Variants in CACNA1F observed in about 807,000 individuals in gnomAD.
CACNA1F encodes the protein calcium voltage-gated channel subunit alpha1 F, also known as voltage-dependent L-type calcium channel subunit alpha-1F.
A neutral mutation model predicts 143.8 loss-of-function variants in CACNA1F; 59 were observed. The ratio of observed to expected loss-of-function variants is 0.41; its 90% confidence interval spans 0.33 to 0.51. The LOEUF is 0.51. CACNA1F is among the 20% of genes least tolerant of loss of function. The pLI, the probability that CACNA1F is intolerant of heterozygous loss-of-function variation, is 0.22. For synonymous variants in CACNA1F, 643 were observed against 649.1 expected, an observed-to-expected ratio of 0.99 and a Z score of 0.14; for missense variants, 1,411 against 1,647.5, an observed-to-expected ratio of 0.86 and a Z score of 2.48.
Position 49,225,889 on chromosome X carries a change from C to T in CACNA1F, c.1651+20G>A. The T allele has an allele frequency of 5.2e-6, 6 of 1,164,040 alleles. No individual in the cohort carries two copies. The highest frequency in any genetic ancestry group is 6.9e-6 in the Non-Finnish European group (6 of 870,111). ...AGGAATAGGAGGCTGGGGGAGACGA[C>T]TAGCAGGCTGGGGGTGTACCCTGGA... is the stretch of plus-strand genomic sequence containing the variant. On this transcript the variant is annotated intron_variant, in intron 13 of 47. Coordinates refer to ENST00000323022, the MANE Select transcript of CACNA1F (RefSeq NM_001256789.3).
At position 49,215,204 on chromosome X, in the gene CACNA1F, C is replaced by T. The variant is rs782612914; in HGVS notation, c.3479G>A (p.Arg1160His). The T allele has an allele frequency of 1.2e-5, 14 of 1,208,562 alleles. No individual in the cohort carries two copies. The highest frequency in any genetic ancestry group is 2.2e-5 in the Admixed American group (1 of 45,606). Residue 1160 changes from arginine to histidine, a missense_variant, in exon 29 of 48, where the codon CGC (arginine) becomes CAC (histidine). Physicochemically the swap from Arg to His is conservative, Grantham distance 29. This residue lies in a region of CACNA1F where 950 missense variants were observed against 1,128.1 expected (regional missense o/e 0.84). Transcript: ENST00000323022. ...ATGCGGGTTCTTGGGGATGTAACGGCGGAGTGGCTGGGCCTTGAGGGCATA... is the reference window on the plus strand; with the variant it reads ...ATGCGGGTTCTTGGGGATGTAACGGTGGAGTGGCTGGGCCTTGAGGGCATA... ...VEYALKAQPL[R>H]RYIPKNPHQY... is the part of the protein sequence containing the mutation.
intron 33 of CACNA1F, 37 bp downstream of exon 33, chrX:49,212,630 G>A (rs782228664): frequency 8.4e-7 from 1 of 1,196,818 alleles, no homozygotes; most frequent in South Asian, 1.8e-5. Context: ...GTGAAATGGG[G>A]GCGAGGTATG....
At chrX:49,206,437 T>G in intron 46 of CACNA1F, 74 bp downstream of exon 46, 2 of 507,147 alleles carry the variant, frequency 3.9e-6, no homozygotes, top group Non-Finnish European at 6.9e-6. Flanking sequence ...ATATGTGCTG[T>G]GTTTGAGAAA....
intron 31 of CACNA1F, 37 bp from the exon 32 acceptor site, chrX:49,213,031 G>A (rs1382201119): frequency 2.6e-5 from 30 of 1,157,713 alleles, no homozygotes; most frequent in Non-Finnish European, 3.5e-5. Flanking sequence ...GGTGATACAG[G>A]AGATGATGAC....
In CACNA1F at chrX:49,205,365, C is replaced by T. The variant is rs1557104586; in HGVS notation, c.5673G>A (p.Val1891=). The change falls in exon 48 of 48, where the codon GTG becomes GTA. Residue 1891 remains valine, a splice_region_variant and synonymous_variant. Coordinates refer to ENST00000323022, the MANE Select transcript of CACNA1F (RefSeq NM_001256789.3). ...AGAGGCCCAGACCCTCTGAGATAAGCACCTGGGGGCACAGGTGGGATCAGT... is the reference window on the plus strand; with the variant it reads ...AGAGGCCCAGACCCTCTGAGATAAGTACCTGGGGGCACAGGTGGGATCAGT... ...RGSADSLVEA[V]LISEGLGLFA... 8.6e-7 allele frequency: 1 copy of T among 1,167,216 alleles called. No homozygotes were observed. Among genetic ancestry groups the T allele is most frequent in the South Asian group, 1.8e-5 (1 of 54,598 alleles).
intron 43 of CACNA1F, 103 bp downstream of exon 43, chrX:49,208,412 C>CCCCCCCCCCCCCCCCCCCCCCCT: frequency 4.0e-6 from 1 of 247,809 alleles, no homozygotes; most frequent in Non-Finnish European, 7.6e-6. Flanking sequence ...GGCCTCTAGG[C>CCCCCCCCCCCCCCCCCCCCCCCT]CCTCCCTCCC....
At chrX:49,221,167 C>T in intron 17 of CACNA1F, 87 bp from the exon 18 acceptor site, 1 of 800,543 alleles carries the variant, frequency 1.2e-6, no homozygotes, top group Middle Eastern at 3.0e-4. Context: ...TCCCATAGAA[C>T]TTTCTTGCTT....
At position 49,231,698 on chromosome X, in the gene CACNA1F, G is replaced by A; in HGVS notation, c.255C>T (p.Cys85=). The stretch of plus-strand genomic sequence containing the variant: ...GATGCTTCCACTCCACGATGCTGAT[G>A]CAGGACCGTCGCAGAGGATTGGCCA... ...LTLANPLRRS[C]ISIVEWKPFD... is the part of the protein sequence containing the mutation. The change falls in exon 2 of 48, where the codon TGC becomes TGT. Residue 85 remains cysteine (C), a synonymous_variant. Coordinates refer to ENST00000323022, the MANE Select transcript of CACNA1F (RefSeq NM_001256789.3). 8.3e-7 allele frequency: 1 copy of A among 1,212,000 alleles called. No individual in the cohort carries two copies. Among genetic ancestry groups the A allele is most frequent in the Non-Finnish European group, 1.1e-6 (1 of 895,558 alleles).
chrX:49,208,411 GCCCTCC>G, intron 43 of CACNA1F, 98 bp downstream of exon 43: 3 of 414,484 alleles, frequency 7.2e-6, no homozygotes, highest in Non-Finnish European at 1.3e-5. Flanking sequence ...AGGCCTCTAG[GCCCTCC>G]CTCCCACCCC....
intron 21 of CACNA1F, 135 bp from the exon 22 acceptor site, chrX:49,219,076 C>A (rs1009680411): frequency 3.6e-5 from 22 of 612,415 alleles, no homozygotes; most frequent in Non-Finnish European, 5.1e-5. Flanking sequence ...GCTACATGGG[C>A]GCCTTTGGCC....
chrX:49,219,812 A>C, intron 19 of CACNA1F, 22 bp from the exon 20 acceptor site: 1 of 968,658 alleles, frequency 1.0e-6, no homozygotes. Flanking sequence ...GAAAAGCAAA[A>C]AAAAATTAAT....
chrX:49,210,465 T>G, intron 38 of CACNA1F, 62 bp from the exon 39 acceptor site: 1 of 1,041,276 alleles, frequency 9.6e-7, no homozygotes, highest in South Asian at 1.9e-5. Context: ...GGAACGAATG[T>G]CAAGGGGCAG....
chrX:49,223,077 G>A lies in CACNA1F; in HGVS notation c.1937C>T (p.Ala646Val). ...ASLLNSMKSI[A>V]SLLLLLFLFI... ...GAGGAAGAGGAGAAGCAGCAAGGAT[G>A]CGATGGATTTCATTGAATTGAGCAG... Residue 646 changes from alanine to valine, a missense_variant, in exon 15 of 48, where the codon GCA becomes GTA. By Grantham distance (64) the Ala-to-Val change is moderately conservative (BLOSUM62 0). Transcript: ENST00000323022. The A allele has an allele frequency of 8.3e-7, 1 of 1,203,983 alleles. No individual in the cohort carries two copies. The highest frequency in any genetic ancestry group is 1.8e-5 in the South Asian group (1 of 55,572).
At chrX:49,209,225 C>A (rs781964399) in intron 42 of CACNA1F, 37 bp downstream of exon 42, 1 of 1,203,040 alleles carries the variant, frequency 8.3e-7, no homozygotes, top group South Asian at 1.8e-5. Context: ...AAGTATTTTA[C>A]AATCAAGTTC....
Position 49,219,460 on chromosome X carries a change from G to C in CACNA1F, c.2544-10C>G. 1 of 1,206,939 alleles carries C rather than the reference G, an allele frequency of 8.3e-7. No homozygotes were observed. The highest frequency in any genetic ancestry group is 1.1e-6 in the Non-Finnish European group (1 of 893,110). ...GCAGCCCTTCCTCAGCCTGTGGAGAGGGAGTGGGCCATGGTCAGAACTCAG... is the reference window on the plus strand; with the variant it reads ...GCAGCCCTTCCTCAGCCTGTGGAGACGGAGTGGGCCATGGTCAGAACTCAG... On this transcript the variant is annotated splice_polypyrimidine_tract_variant and intron_variant, in intron 20 of 47. Coordinates refer to ENST00000323022, the MANE Select transcript of CACNA1F (RefSeq NM_001256789.3).
At chrX:49,211,592 G>A in intron 35 of CACNA1F, 111 bp from the exon 36 acceptor site, 1 of 629,893 alleles carries the variant, frequency 1.6e-6, no homozygotes. Context: ...CTCACCAGGG[G>A]CTACATCTGG....
Position 49,206,776 on chromosome X carries a change from C to T in CACNA1F, c.5311G>A (p.Asp1771Asn), listed in dbSNP as rs1557105003. 13 of 1,206,633 alleles carry T rather than the reference C, an allele frequency of 1.1e-5. No homozygotes were observed. Among genetic ancestry groups the T allele is most frequent in the Middle Eastern group, 4.6e-4 (2 of 4,357 alleles). The change falls in exon 45 of 48, where the codon GAT (aspartate) becomes AAT (asparagine). Residue 1771 changes from aspartate (D) to asparagine (N), a missense_variant. Around this residue, in one of 3 missense-constraint regions of CACNA1F, gnomAD observed 349 missense variants for 350.2 expected, o/e 1.00. Coordinates refer to ENST00000323022, the MANE Select transcript of CACNA1F (RefSeq NM_001256789.3). ...LPPHRAQRYM[D>N]GHLVPRRRLL... ...CGGCGGCGTGGTACCAGGTGCCCAT[C>T]CATGTATCTCTGAGCTCTGTGAGGT... is the stretch of plus-strand genomic sequence containing the variant.
chrX:49,214,512 G>C (rs1056317054), intron 29 of CACNA1F, among the ~76,000 whole-genome samples: 77 of 112,195 alleles, frequency 6.9e-4, no homozygotes, highest in African/African-American at 2.4e-3. Context: ...ATCTGCTGTT[G>C]GTTAGCAGCT....
intron 6 of CACNA1F, among the ~76,000 whole-genome samples, chrX:49,229,562 G>T (rs1349518981): frequency 8.9e-6 from 1 of 112,839 alleles, no homozygotes; most frequent in Non-Finnish European, 1.9e-5. Context: ...TGATCCTCCC[G>T]CCTCGGCCTC....
Sources: allele counts gnomAD v4.1 joint callset (sites outside exome capture counted in the v4.1 genomes callset), GRCh38; gene constraint gnomAD v4.1.1; regional missense constraint gnomAD v4.1.1; transcripts MANE v1.5; gene names NCBI Gene and HGNC (gene_info 2026-07-23, HGNC 2026-07-21).